The following MARK3 variants were observed in gnomAD, a reference collection of about 807,000 sequenced individuals.
MARK3 encodes microtubule affinity regulating kinase 3, also known as MAP/microtubule affinity-regulating kinase 3.
Under a neutral mutation model 90.1 loss-of-function variants are expected in MARK3, and 46 were observed. That is an observed-to-expected ratio of 0.51 (90% CI 0.40 to 0.65). The LOEUF (loss-of-function observed/expected upper bound fraction) is 0.65, where lower values mean the gene tolerates loss of function less well. MARK3 is among the 30% of genes least tolerant of loss of function. The probability of loss-of-function intolerance (pLI) is 0.00; values close to 1 mark genes in which losing one functional copy is unlikely to be tolerated. For missense variants in MARK3, 818 were observed against 947.2 expected (o/e 0.86, Z 1.79); for synonymous variants, 321 against 332.6 (o/e 0.97, Z 0.38).
rs377600697 is a variant in MARK3, at chr14:103,466,457, C to T, written c.997+15C>T. ...AAAAAGAATAGGTAATCACTCCATG[C>T]CTGCATGTTCATGTGTTTTTGTCTA... On this transcript the variant is annotated intron_variant, in intron 10 of 17. Coordinates refer to ENST00000429436, the MANE Select transcript of MARK3 (RefSeq NM_001128918.3). The T allele has an allele frequency of 2.6e-6, 4 of 1,513,702 alleles. No individual in the cohort carries two copies. The highest frequency in any genetic ancestry group is 3.7e-6 in the Non-Finnish European group (4 of 1,095,506). The allele number at this position is 1,513,702 out of a possible 1,614,324, so 93.8% of individuals were successfully genotyped here. A position where few individuals can be genotyped will look rare whatever the true frequency, so the allele number is the denominator to read the frequency against.
chr14:103,443,305 C>G (rs551305601), intron 3 of MARK3, among the ~76,000 whole-genome samples: 1 of 152,152 alleles, frequency 6.6e-6, no homozygotes, highest in Non-Finnish European at 1.5e-5. Flanking sequence ...TCAGCTGTTC[C>G]AGAACTTAAG....
chr14:103,436,895 A>G (rs918136179), intron 3 of MARK3, among the ~76,000 whole-genome samples: 1 of 152,210 alleles, frequency 6.6e-6, no homozygotes, highest in Admixed American at 6.5e-5. Flanking sequence ...ATTCGAGACT[A>G]GCCTGACGAA....
chr14:103,416,574 C>G (rs758278131), intron 2 of MARK3, among the ~76,000 whole-genome samples: 1 of 152,166 alleles, frequency 6.6e-6, no homozygotes, highest in African/African-American at 2.4e-5. Flanking sequence ...AGTTCGAGAC[C>G]AGCCTGGCCA....
intron 7 of MARK3, among the ~76,000 whole-genome samples, chr14:103,462,858 C>G (rs1423903753): frequency 6.6e-6 from 1 of 152,114 alleles, no homozygotes; most frequent in Non-Finnish European, 1.5e-5. Flanking sequence ...CAGCCTCTGC[C>G]CTCACTCTGG....
intron 14 of MARK3, among the ~76,000 whole-genome samples, chr14:103,481,862 G>A (rs2093829752): frequency 7.2e-6 from 1 of 138,076 alleles, no homozygotes; most frequent in Admixed American, 8.1e-5. Flanking sequence ...CGCCTCCCGG[G>A]TTCACGCCAT....
At chr14:103,448,768 C>T (rs564119375) in intron 3 of MARK3, 151 bp from the exon 4 acceptor site, 2 of 714,954 alleles carry the variant, frequency 2.8e-6, no homozygotes, top group South Asian at 2.3e-5. Context: ...ATATTCTGGA[C>T]TTTCATATTA....
intron 5 of MARK3, among the ~76,000 whole-genome samples, 170 bp downstream of exon 5, chr14:103,452,153 A>G (rs1015518237): frequency 2.0e-5 from 3 of 152,188 alleles, no homozygotes; most frequent in Admixed American, 6.5e-5. Flanking sequence ...AGGGGTTGCC[A>G]TGAAGTGTTT....
At position 103,503,053 on chromosome 14, in the gene MARK3, C is replaced by T; in HGVS notation, c.2088C>T (p.Phe696=). Residue 696 remains phenylalanine (F), a synonymous_variant, in exon 18 of 18, where the codon TTC becomes TTT. Coordinates refer to ENST00000429436, the MANE Select transcript of MARK3 (RefSeq NM_001128918.3). ...NNCDYEQRER[F]LLFCVHGDGH... Reference sequence around the variant, plus strand: ...GCGACTATGAGCAGAGGGAGCGCTTCTTGCTCTTCTGCGTCCACGGAGATG... The same window carrying T: ...GCGACTATGAGCAGAGGGAGCGCTTTTTGCTCTTCTGCGTCCACGGAGATG... 1 of 1,614,242 alleles carries T rather than the reference C, an allele frequency of 6.2e-7. No homozygotes were observed. Among genetic ancestry groups the T allele is most frequent in the Admixed American group, 1.7e-5 (1 of 60,034 alleles).
intron 3 of MARK3, among the ~76,000 whole-genome samples, chr14:103,436,693 G>C (rs756693986): frequency 2.0e-5 from 3 of 152,158 alleles, no homozygotes; most frequent in Non-Finnish European, 4.4e-5. Flanking sequence ...GCTCACTGTA[G>C]CCTGGAACTT....
intron 2 of MARK3, among the ~76,000 whole-genome samples, chr14:103,407,147 G>A (rs1055882878): frequency 6.6e-6 from 1 of 152,132 alleles, no homozygotes; most frequent in African/African-American, 2.4e-5. Flanking sequence ...GAGTTCTTTT[G>A]CTTTCCCATT....
chr14:103,412,879 C>CTTT, intron 2 of MARK3: 2 of 273,966 alleles, frequency 7.3e-6, no homozygotes, highest in Non-Finnish European at 1.4e-5. Flanking sequence ...TTTTTTCTTT[C>CTTT]TTTTTTTTTT....
chr14:103,476,290 C>T (rs2093713644), intron 13 of MARK3, among the ~76,000 whole-genome samples: 1 of 152,148 alleles, frequency 6.6e-6, no homozygotes, highest in Non-Finnish European at 1.5e-5. Flanking sequence ...CTGCCAGTGC[C>T]CCAAAGATGT....
chr14:103,432,802 GCTGTGATGGTGCCCCTGCATTCC>G, intron 3 of MARK3, among the ~76,000 whole-genome samples: 1 of 152,192 alleles, frequency 6.6e-6, no homozygotes, highest in African/African-American at 2.4e-5. Flanking sequence ...GCTGCAGTGA[GCTGTGATGGTGCCCCTGCATTCC>G]AGCCTGGGCA....
chr14:103,403,326 T>TTGTGTGTGTGTG (rs59913493), intron 1 of MARK3, among the ~76,000 whole-genome samples: 80 of 138,456 alleles, frequency 5.8e-4, no homozygotes, highest in Non-Finnish European at 1.0e-3. Flanking sequence ...TAGTGCCTGG[T>TTGTGTGTGTGTG]TGTGTGTGTG....
At chr14:103,407,520 G>A (rs1298123742) in intron 2 of MARK3, among the ~76,000 whole-genome samples, 1 of 112,778 alleles carries the variant, frequency 8.9e-6, no homozygotes, top group East Asian at 2.9e-4. Flanking sequence ...CCCTCCTCTT[G>A]TTATACTCAT....
intron 13 of MARK3, among the ~76,000 whole-genome samples, chr14:103,480,063 G>A (rs1371471756): frequency 6.6e-6 from 1 of 152,122 alleles, no homozygotes; most frequent in African/African-American, 2.4e-5. Context: ...GGAGGTTGCA[G>A]TGAGCCGAGA....
rs2075764915 is a variant in MARK3, at chr14:103,503,126, C to T, written c.2161C>T (p.Pro721Ser). The change falls in exon 18 of 18, where the codon CCA becomes TCA. Residue 721 changes from proline to serine, a missense_variant. Around this residue, in one of 3 missense-constraint regions of MARK3, gnomAD observed 560 missense variants for 613.5 expected, o/e 0.91. Coordinates refer to ENST00000429436, the MANE Select transcript of MARK3 (RefSeq NM_001128918.3). ...VQWEMEVCKL[P>S]RLSLNGVRFK... Reference sequence around the variant, plus strand: ...GTGGGAAATGGAAGTGTGCAAGCTGCCAAGACTGTCTCTGAACGGGGTCCG... The same window carrying T: ...GTGGGAAATGGAAGTGTGCAAGCTGTCAAGACTGTCTCTGAACGGGGTCCG... The T allele has an allele frequency of 6.2e-7, 1 of 1,614,204 alleles. No homozygotes were observed.
chr14:103,393,924 G>T (rs2090424950), intron 1 of MARK3, among the ~76,000 whole-genome samples: 1 of 152,084 alleles, frequency 6.6e-6, no homozygotes. Flanking sequence ...AGTAGGGATG[G>T]GGTTTCACCA....
At position 103,475,230 on chromosome 14, in the gene MARK3, A is replaced by T; in HGVS notation, c.1482+20A>T. 1.2e-6 allele frequency: 2 copies of T among 1,608,746 alleles called. No individual in the cohort carries two copies. Among genetic ancestry groups the T allele is most frequent in the Non-Finnish European group, 1.7e-6 (2 of 1,176,710 alleles). ...CCTAGTGTAAGTGTTGTTGAACTAT[A>T]GAGTGGTCTTAGGGTGGTAGGGTTG... On this transcript the variant is annotated intron_variant, in intron 13 of 17. Coordinates refer to ENST00000429436, the MANE Select transcript of MARK3 (RefSeq NM_001128918.3).
Sources: gnomAD v4.1 joint callset for allele counts (sites outside exome capture counted in the v4.1 genomes callset) on GRCh38, gnomAD v4.1.1 for gene constraint, gnomAD v4.1.1 regional missense constraint, MANE v1.5 for transcripts, NCBI Gene and HGNC (gene_info 2026-07-23, HGNC 2026-07-21) for gene names.